The following ARHGAP15 variants were observed in gnomAD, a reference collection of about 807,000 sequenced individuals.
ARHGAP15 encodes the protein Rho GTPase activating protein 15, also known as rho GTPase-activating protein 15.
A neutral mutation model predicts 63.7 loss-of-function variants in ARHGAP15; 51 were observed. That is an observed-to-expected ratio of 0.80 (90% CI 0.64 to 1.01). ARHGAP15 has a LOEUF of 1.01. Among genes scored for constraint, ARHGAP15 ranks in the 50% least tolerant of loss-of-function variants. ARHGAP15 has a pLI of 0.00. For missense variants in ARHGAP15, 560 were observed against 564.6 expected (o/e 0.99, Z 0.08); for synonymous variants, 191 against 193.8 (o/e 0.99, Z 0.12).
chr2:143,159,617 C>A (rs1338338741), intron 2 of ARHGAP15, among the ~76,000 whole-genome samples: 1 of 151,972 alleles, frequency 6.6e-6, no homozygotes, highest in Non-Finnish European at 1.5e-5. Flanking sequence ...GCAGCCAACA[C>A]AGACTGTCAA....
chr2:143,525,023 T>C (rs1413992121), intron 10 of ARHGAP15, among the ~76,000 whole-genome samples: 1 of 152,168 alleles, frequency 6.6e-6, no homozygotes, highest in East Asian at 1.9e-4. Flanking sequence ...AATCAGACTT[T>C]ACATAGTTGT....
At chr2:143,476,468 T>A (rs1350891654) in intron 8 of ARHGAP15, among the ~76,000 whole-genome samples, 1 of 152,148 alleles carries the variant, frequency 6.6e-6, no homozygotes, top group Non-Finnish European at 1.5e-5. Flanking sequence ...AGTCACATAA[T>A]GAAGAAAACA....
intron 13 of ARHGAP15, among the ~76,000 whole-genome samples, chr2:143,726,435 G>A (rs28664667): frequency 1.4e-4 from 20 of 140,396 alleles, no homozygotes; most frequent in South Asian, 4.6e-4. Flanking sequence ...AAAAAAAAAA[G>A]AAAAAAAAAA....
chr2:143,390,225 C>T (rs1202830386), intron 6 of ARHGAP15, among the ~76,000 whole-genome samples: 1 of 152,118 alleles, frequency 6.6e-6, no homozygotes, highest in Non-Finnish European at 1.5e-5. Flanking sequence ...CAGATTTGCT[C>T]TGACATAAAC....
chr2:143,214,236 T>A (rs138354657), intron 3 of ARHGAP15, among the ~76,000 whole-genome samples: 86 of 152,330 alleles, frequency 5.6e-4, no homozygotes, highest in African/African-American at 2.1e-3. Context: ...TTTTGGTAGA[T>A]AAATCCAGGT....
intron 2 of ARHGAP15, among the ~76,000 whole-genome samples, chr2:143,164,509 G>A (rs1690424412): frequency 6.6e-6 from 1 of 151,880 alleles, no homozygotes; most frequent in Non-Finnish European, 1.5e-5. Context: ...TTTATTGGGG[G>A]AAGAGATATG....
intron 6 of ARHGAP15, among the ~76,000 whole-genome samples, chr2:143,384,753 A>G (rs1272158551): frequency 6.6e-6 from 1 of 152,160 alleles, no homozygotes; most frequent in African/African-American, 2.4e-5. Context: ...GTAAACTCAC[A>G]ATCAGAGACA....
intron 6 of ARHGAP15, among the ~76,000 whole-genome samples, chr2:143,302,174 TC>T (rs1682936477): frequency 2.6e-5 from 4 of 151,944 alleles, no homozygotes; most frequent in Non-Finnish European, 5.9e-5. Context: ...GATATGAATA[TC>T]AGATGTCTAT....
intron 6 of ARHGAP15, among the ~76,000 whole-genome samples, chr2:143,290,452 A>G (rs1682336251): frequency 1.3e-5 from 2 of 152,126 alleles, no homozygotes; most frequent in Non-Finnish European, 2.9e-5. Context: ...GGCAGCGGCT[A>G]TTCAACTATA....
intron 11 of ARHGAP15, among the ~76,000 whole-genome samples, chr2:143,589,302 A>G (rs1697233089): frequency 6.6e-6 from 1 of 152,206 alleles, no homozygotes; most frequent in South Asian, 2.1e-4. Flanking sequence ...ATAGAAATTG[A>G]CTGCATTTCC....
At chr2:143,321,377 C>A (rs1684011549) in intron 6 of ARHGAP15, among the ~76,000 whole-genome samples, 1 of 152,178 alleles carries the variant, frequency 6.6e-6, no homozygotes, top group South Asian at 2.1e-4. Context: ...TCCTCTTGTC[C>A]ACTGGTTTTA....
At chr2:143,438,044 T>G (rs2105095962) in intron 8 of ARHGAP15, among the ~76,000 whole-genome samples, 1 of 152,216 alleles carries the variant, frequency 6.6e-6, no homozygotes, top group East Asian at 1.9e-4. Context: ...GTAGACATCT[T>G]TGGAACCAGA....
intron 6 of ARHGAP15, among the ~76,000 whole-genome samples, chr2:143,260,367 G>T (rs768649747): frequency 7.2e-5 from 11 of 152,238 alleles, no homozygotes; most frequent in Middle Eastern, 6.8e-3. Flanking sequence ...TCCTTGGTAT[G>T]TAATGAAAAC....
intron 8 of ARHGAP15, among the ~76,000 whole-genome samples, chr2:143,439,508 T>C (rs892960604): frequency 5.7e-5 from 7 of 122,726 alleles, no homozygotes; most frequent in African/African-American, 2.0e-4. Flanking sequence ...TACAGTGACT[T>C]CATACTCACC....
chr2:143,541,605 C>G (rs377391696), intron 10 of ARHGAP15, among the ~76,000 whole-genome samples: 7 of 152,170 alleles, frequency 4.6e-5, no homozygotes, highest in East Asian at 1.9e-4. Flanking sequence ...AGTCAGGACC[C>G]TCAGTTGCAG....
chr2:143,476,514 A>ATG (rs1453981212), intron 8 of ARHGAP15, among the ~76,000 whole-genome samples: 1 of 152,214 alleles, frequency 6.6e-6, no homozygotes, highest in Non-Finnish European at 1.5e-5. Context: ...CCCTATGCAT[A>ATG]TGTGTGTGTG....
At chr2:143,531,780 T>G (rs574599408) in intron 10 of ARHGAP15, among the ~76,000 whole-genome samples, 5 of 152,374 alleles carry the variant, frequency 3.3e-5, no homozygotes, top group Admixed American at 2.0e-4. Flanking sequence ...TACATACCAA[T>G]ACTGTGGAAT....
intron 11 of ARHGAP15, among the ~76,000 whole-genome samples, chr2:143,584,463 T>C (rs1390932755): frequency 6.6e-6 from 1 of 151,988 alleles, no homozygotes; most frequent in East Asian, 1.9e-4. Context: ...CTATCTCTAC[T>C]AAAAATACAA....
chr2:143,607,548 C>CGAGAGAGA (rs5834958), intron 11 of ARHGAP15: 9 of 147,312 alleles, frequency 6.1e-5, no homozygotes, highest in African/African-American at 1.0e-4. Context: ...AGGCCACCCA[C>CGAGAGAGA]GAGAGAGAGA....
Sources: gnomAD v4.1 joint callset for allele counts (sites outside exome capture counted in the v4.1 genomes callset) on GRCh38, gnomAD v4.1.1 for gene constraint, MANE v1.5 for transcripts, NCBI Gene and HGNC (gene_info 2026-07-23, HGNC 2026-07-21) for gene names.